Variants in ISX observed in about 807,000 individuals in gnomAD.
The protein encoded by ISX is intestine-specific homeobox.
In ISX, 15 loss-of-function variants were observed where a neutral mutation model predicts 16.9. The observed-to-expected ratio is 0.89, with a 90% CI of 0.59 to 1.36. The LOEUF is 1.36. Among genes scored for constraint, ISX ranks in the 40% most tolerant of loss-of-function variants. ISX has a pLI of 0.00. For synonymous variants in ISX, 125 were observed against 119.7 expected (o/e 1.04, Z -0.29); for missense variants, 316 against 306.1 (o/e 1.03, Z -0.24).
intron 3 of ISX, 139 bp from the exon 4 acceptor site, chr22:35,084,244 A>G (rs1929191264): frequency 1.7e-6 from 1 of 580,054 alleles, no homozygotes; most frequent in South Asian, 2.7e-5. Context: ...TCCAGATCCA[A>G]AGACATCCTG....
At chr22:35,069,425 C>G (rs1247319171) in intron 2 of ISX, among the ~76,000 whole-genome samples, 1 of 152,146 alleles carries the variant, frequency 6.6e-6, no homozygotes, top group African/African-American at 2.4e-5. Flanking sequence ...CCAGTCACTT[C>G]CCTCTCTGGC....
chr22:35,079,900 G>A (rs1929083196), intron 2 of ISX, among the ~76,000 whole-genome samples: 1 of 152,148 alleles, frequency 6.6e-6, no homozygotes, highest in African/African-American at 2.4e-5. Flanking sequence ...CACCGGGTTT[G>A]GTCCTTCCTC....
chr22:35,073,437 A>G lies in ISX; in HGVS notation c.229+6121A>G, dbSNP rs1928906290. On this transcript the variant is annotated intron_variant, in intron 2 of 4. Transcript: ENST00000404699. The stretch of plus-strand genomic sequence containing the variant: ...ATTCCTATTATTATTCATACTCACC[A>G]TAATGTAGAATCAATGGGATCCCTG... Among the ~76,000 whole-genome samples, 4 of 152,326 alleles carry G rather than the reference A, an allele frequency of 2.6e-5. 1 individual carries two copies. In the South Asian group the frequency reaches 8.3e-4, roughly 32 times the overall value.
At chr22:35,077,878 G>A (rs187078228) in intron 2 of ISX, among the ~76,000 whole-genome samples, 1 of 152,158 alleles carries the variant, frequency 6.6e-6, no homozygotes, top group Admixed American at 6.5e-5. Context: ...TGCTCCTTTG[G>A]TTACACAAGT....
intron 2 of ISX, among the ~76,000 whole-genome samples, chr22:35,075,101 A>G (rs1406902322): frequency 1.3e-5 from 2 of 152,224 alleles, no homozygotes; most frequent in African/African-American, 2.4e-5. Flanking sequence ...GTGCTTTAGA[A>G]CACAGAAGAG....
intron 3 of ISX, among the ~76,000 whole-genome samples, chr22:35,083,492 A>C (rs545021701): frequency 1.3e-5 from 2 of 152,360 alleles, no homozygotes; most frequent in South Asian, 4.1e-4. Context: ...GTCACTCACT[A>C]GAGGTATTTC....
chr22:35,082,581 A>G lies in ISX; in HGVS notation c.293A>G (p.Glu98Gly). Residue 98 changes from glutamate (E) to glycine (G), a missense_variant, in exon 3 of 5, where the codon GAG becomes GGG. By Grantham distance (98) the Glu-to-Gly change is moderately conservative. Coordinates refer to ENST00000404699, the MANE Select transcript of ISX (RefSeq NM_001303508.2). ...ACCACTGAGCAGCTGCATGAGCTGG[A>G]GAAGATCTTCCACTTTACCCACTAC... is the stretch of plus-strand genomic sequence containing the variant. ...TFTTEQLHELEKIFHFTHYPD... is the reference protein window; with the variant it reads ...TFTTEQLHELGKIFHFTHYPD... 1.2e-6 allele frequency: 2 copies of G among 1,614,070 alleles called. No homozygotes were observed. The highest frequency in any genetic ancestry group is 2.2e-5 in the South Asian group (2 of 91,080).
chr22:35,085,567 C>T lies in ISX; in HGVS notation c.612C>T (p.Leu204=), dbSNP rs376456588. Residue 204 remains leucine (L), a synonymous_variant, in exon 5 of 5, where the codon CTC becomes CTT. Transcript: ENST00000404699. ...GGTTCCCTGCCTGGATCACCCTCCT[C>T]CCAGCGCACCCATGGGAAACACAGC... ...SAWFPAWITL[L]PAHPWETQPV... is the part of the protein sequence containing the mutation. The T allele has an allele frequency of 3.8e-5, 62 of 1,614,126 alleles. No homozygotes were observed. The highest frequency in any genetic ancestry group is 3.3e-4 in the Middle Eastern group (2 of 6,084).
intron 2 of ISX, among the ~76,000 whole-genome samples, chr22:35,075,279 G>A (rs1252843914): frequency 6.6e-6 from 1 of 152,182 alleles, no homozygotes; most frequent in African/African-American, 2.4e-5. Context: ...CAACAAAATT[G>A]AGTGGCTGGA....
At chr22:35,076,112 A>G (rs1255126421) in intron 2 of ISX, among the ~76,000 whole-genome samples, 1 of 151,554 alleles carries the variant, frequency 6.6e-6, no homozygotes, top group African/African-American at 2.4e-5. Context: ...AAAAAAAAAA[A>G]TACCTATTGT....
intron 2 of ISX, among the ~76,000 whole-genome samples, chr22:35,076,035 G>A (rs573409459): frequency 3.8e-4 from 57 of 151,732 alleles, no homozygotes; most frequent in Middle Eastern, 3.4e-3. Flanking sequence ...GAGACTCATA[G>A]AAAATTTTTT....
intron 2 of ISX, among the ~76,000 whole-genome samples, chr22:35,076,622 G>A: frequency 6.6e-6 from 1 of 152,148 alleles, no homozygotes; most frequent in South Asian, 2.1e-4. Context: ...CATTTCCAGA[G>A]ACTGCCCAGC....
chr22:35,078,645 A>C (rs975928948), intron 2 of ISX, among the ~76,000 whole-genome samples: 1 of 51,776 alleles, frequency 1.9e-5, no homozygotes, highest in Non-Finnish European at 5.9e-5. Context: ...AAAAATCCAC[A>C]ATAGTGAGCG....
At chr22:35,082,297 C>CTAGATGGT (rs1929138454) in intron 2 of ISX, among the ~76,000 whole-genome samples, 1 of 152,220 alleles carries the variant, frequency 6.6e-6, no homozygotes, top group Non-Finnish European at 1.5e-5. Context: ...AGAAGATTTT[C>CTAGATGGT]TAGATGGTTA....
At chr22:35,076,663 A>G (rs554000253) in intron 2 of ISX, among the ~76,000 whole-genome samples, 5 of 152,344 alleles carry the variant, frequency 3.3e-5, no homozygotes, top group African/African-American at 4.8e-5. Flanking sequence ...TAGCTGCTCA[A>G]CCAGGACCAA....
chr22:35,078,791 C>A (rs896338304), intron 2 of ISX, among the ~76,000 whole-genome samples: 1 of 152,258 alleles, frequency 6.6e-6, no homozygotes, highest in Non-Finnish European at 1.5e-5. Flanking sequence ...AGAGAGAAAT[C>A]TCACTAGCCC....
intron 2 of ISX, among the ~76,000 whole-genome samples, chr22:35,072,400 A>G (rs942886725): frequency 1.3e-5 from 2 of 152,268 alleles, no homozygotes; most frequent in Non-Finnish European, 2.9e-5. Context: ...GAGGCAATGA[A>G]TAAAGCATGT....
At chr22:35,071,209 C>A (rs1470154778) in intron 2 of ISX, among the ~76,000 whole-genome samples, 1 of 152,204 alleles carries the variant, frequency 6.6e-6, no homozygotes, top group African/African-American at 2.4e-5. Flanking sequence ...GCTTTGGTGT[C>A]TTTGCCATTT....
chr22:35,067,276 A>G lies in ISX; in HGVS notation c.189A>G (p.Ser63=). Residue 63 remains serine (S), a synonymous_variant, in exon 2 of 5, where the codon TCA becomes TCG. Transcript: ENST00000404699. ...AGGGCCCCGGAGAAGCTGCGGCCTC[A>G]GGCTCTGGGCTAGAAAAGCCTCCAA... ...GEEGPGEAAA[S]GSGLEKPPKD... 3 of 1,592,138 alleles carry G rather than the reference A, an allele frequency of 1.9e-6. No individual in the cohort carries two copies. Among genetic ancestry groups the G allele is most frequent in the Non-Finnish European group, 2.6e-6 (3 of 1,169,186 alleles).
Sources: gnomAD v4.1 joint callset for allele counts (sites outside exome capture counted in the v4.1 genomes callset) on GRCh38, gnomAD v4.1.1 for gene constraint, MANE v1.5 for transcripts, NCBI Gene and HGNC (gene_info 2026-07-23, HGNC 2026-07-21) for gene names.